DPYD: variants seen among roughly 807,000 people sequenced by gnomAD.
DPYD encodes dihydropyrimidine dehydrogenase.
DPYD carries 109 observed loss-of-function variants against 116.2 expected under a neutral mutation model. The ratio of observed to expected loss-of-function variants is 0.94; its 90% CI spans 0.80 to 1.10. DPYD has a LOEUF of 1.10. DPYD is among the 50% of genes least tolerant of loss of function. The pLI is 0.00. For missense variants in DPYD, 1,302 were observed against 1,254.5 expected, an observed-to-expected ratio of 1.04 and a Z score of -0.57; for synonymous variants, 440 against 432.0, an observed-to-expected ratio of 1.02 and a Z score of -0.23.
intron 8 of DPYD, among the ~76,000 whole-genome samples, chr1:97,623,813 T>C (rs552747093): frequency 6.6e-6 from 1 of 151,742 alleles, no homozygotes; most frequent in South Asian, 2.1e-4. Flanking sequence ...GAGTAGAGCA[T>C]CCAGAAATAA....
At chr1:97,679,016 A>G in intron 8 of DPYD, 79 bp downstream of exon 8, 1 of 627,386 alleles carries the variant, frequency 1.6e-6, no homozygotes, top group Admixed American at 3.3e-5. Flanking sequence ...AAATGTCTGA[A>G]GGCAGTCATT....
chr1:97,684,923 G>A (rs1660636049), intron 7 of DPYD, among the ~76,000 whole-genome samples: 1 of 152,132 alleles, frequency 6.6e-6, no homozygotes, highest in Non-Finnish European at 1.5e-5. Context: ...ATTACAAATA[G>A]AAGCTGGTAC....
At chr1:97,301,852 A>C (rs1339974463) in intron 18 of DPYD, among the ~76,000 whole-genome samples, 1 of 152,006 alleles carries the variant, frequency 6.6e-6, no homozygotes. Context: ...TATAGGTGAT[A>C]GTAATCACTG....
intron 20 of DPYD, among the ~76,000 whole-genome samples, chr1:97,176,898 A>AG (rs11379961): frequency 0.4 from 44,501 of 110,102 alleles, 7,927 homozygotes; most frequent in East Asian, 0.72. Context: ...GTGTGTGTGT[A>AG]GGGGGGGTGT....
At chr1:97,640,493 G>A (rs1304832472) in intron 8 of DPYD, among the ~76,000 whole-genome samples, 1 of 151,984 alleles carries the variant, frequency 6.6e-6, no homozygotes, top group Non-Finnish European at 1.5e-5. Flanking sequence ...ATTTTTAGTA[G>A]AGGTGGGGTT....
chr1:97,569,241 A>T (rs948053815), intron 11 of DPYD, among the ~76,000 whole-genome samples: 1 of 151,934 alleles, frequency 6.6e-6, no homozygotes, highest in Admixed American at 6.6e-5. Context: ...GTTTGGTTCC[A>T]ACAAGAAAGA....
chr1:97,184,663 A>C (rs1657876690), intron 20 of DPYD, among the ~76,000 whole-genome samples: 1 of 152,144 alleles, frequency 6.6e-6, no homozygotes, highest in Admixed American at 6.6e-5. Flanking sequence ...TGACATTTTA[A>C]AATTTTAATT....
intron 1 of DPYD, among the ~76,000 whole-genome samples, chr1:97,913,640 T>C (rs1361410715): frequency 6.6e-6 from 1 of 152,184 alleles, no homozygotes; most frequent in African/African-American, 2.4e-5. Context: ...ATGGTAATGT[T>C]TCTATAAATT....
At chr1:97,255,377 C>A (rs533151543) in intron 18 of DPYD, among the ~76,000 whole-genome samples, 1 of 152,204 alleles carries the variant, frequency 6.6e-6, no homozygotes, top group South Asian at 2.1e-4. Flanking sequence ...CTTGTATTCC[C>A]ACATGTTGTG....
intron 11 of DPYD, among the ~76,000 whole-genome samples, chr1:97,552,230 C>A (rs760642237): frequency 7.9e-5 from 12 of 152,062 alleles, no homozygotes; most frequent in Non-Finnish European, 1.3e-4. Context: ...CTTCAGGCCT[C>A]ATAAAATTTG....
intron 16 of DPYD, among the ~76,000 whole-genome samples, chr1:97,317,021 A>G (rs759630221): frequency 6.6e-6 from 1 of 151,912 alleles, no homozygotes; most frequent in South Asian, 2.1e-4. Flanking sequence ...AGAGCCATAC[A>G]TTGGCCATAT....
intron 16 of DPYD, 57 bp from the exon 17 acceptor site, chr1:97,306,354 T>A: frequency 6.2e-7 from 1 of 1,607,282 alleles, no homozygotes; most frequent in Non-Finnish European, 8.5e-7. Flanking sequence ...GATCAAAATG[T>A]GTACTGGAAC....
intron 1 of DPYD, among the ~76,000 whole-genome samples, chr1:97,906,302 A>G (rs1378704811): frequency 1.3e-5 from 2 of 152,106 alleles, no homozygotes; most frequent in Non-Finnish European, 2.9e-5. Flanking sequence ...ATTAAGTTGC[A>G]TGAATGTGAA....
chr1:97,658,132 C>G (rs536388028), intron 8 of DPYD, among the ~76,000 whole-genome samples: 27 of 152,210 alleles, frequency 1.8e-4, no homozygotes, highest in African/African-American at 6.5e-4. Context: ...TTTGGTTATA[C>G]TAGAATTCAA....
intron 18 of DPYD, among the ~76,000 whole-genome samples, chr1:97,235,630 A>G (rs1046144104): frequency 6.6e-6 from 1 of 152,124 alleles, no homozygotes; most frequent in Non-Finnish European, 1.5e-5. Context: ...TCTCAAAAAC[A>G]AACAAACAAA....
intron 3 of DPYD, among the ~76,000 whole-genome samples, chr1:97,821,000 T>G (rs1001396970): frequency 2.0e-5 from 3 of 152,084 alleles, no homozygotes; most frequent in African/African-American, 7.2e-5. Context: ...CTCAAGTTAT[T>G]CAATTCAAGT....
At chr1:97,581,038 A>ACCCC (rs1653625786) in intron 10 of DPYD, among the ~76,000 whole-genome samples, 1 of 152,066 alleles carries the variant, frequency 6.6e-6, no homozygotes, top group African/African-American at 2.4e-5. Flanking sequence ...GAGAAGGTTT[A>ACCCC]GGAGCCTGAT....
At chr1:97,841,143 T>C (rs1236753578) in intron 2 of DPYD, among the ~76,000 whole-genome samples, 3 of 152,130 alleles carry the variant, frequency 2.0e-5, no homozygotes, top group Non-Finnish European at 4.4e-5. Context: ...TTATGGTACA[T>C]GACCAAAATG....
intron 18 of DPYD, among the ~76,000 whole-genome samples, chr1:97,247,791 C>T (rs922960354): frequency 6.6e-6 from 1 of 152,030 alleles, no homozygotes; most frequent in African/African-American, 2.4e-5. Context: ...CACAACTAAC[C>T]AAAATTGAGA....
Sources: gnomAD v4.1 joint callset for allele counts (sites outside exome capture counted in the v4.1 genomes callset) on GRCh38, gnomAD v4.1.1 for gene constraint, MANE v1.5 for transcripts, NCBI Gene and HGNC (gene_info 2026-07-23, HGNC 2026-07-21) for gene names.